Variants in GPC3 observed in about 807,000 individuals in gnomAD.
GPC3 encodes the protein glypican-3.
In GPC3, 3 loss-of-function variants were observed where a neutral mutation model predicts 34.4. That is an observed-to-expected ratio of 0.09 (90% CI 0.04 to 0.23). GPC3 has a LOEUF of 0.23. Ranked by LOEUF, GPC3 falls within the 10% of genes least tolerant of loss-of-function variation. GPC3 has a pLI of 1.00. For synonymous variants in GPC3, 177 were observed against 174.0 expected, an observed-to-expected ratio of 1.02 and a Z score of -0.13; for missense variants, 351 against 445.6, an observed-to-expected ratio of 0.79 and a Z score of 1.91.
chrX:133,621,585 G>A (rs1002402083), intron 6 of GPC3, among the ~76,000 whole-genome samples: 4 of 112,123 alleles, frequency 3.6e-5, no homozygotes, highest in African/African-American at 6.5e-5. Context: ...GAACTGCAAG[G>A]TGGCAATGAG....
At chrX:133,766,511 T>A (rs1015284590) in intron 2 of GPC3, among the ~76,000 whole-genome samples, 3 of 112,364 alleles carry the variant, frequency 2.7e-5, no homozygotes, top group African/African-American at 9.7e-5. Context: ...ATAGTATACA[T>A]GGCAACAGAT....
At position 133,886,702 on chromosome X, in the gene GPC3, T is replaced by C. The variant is rs1014450725; in HGVS notation, c.337+66348A>G. On this transcript the variant is annotated intron_variant, in intron 2 of 7. Transcript: ENST00000370818. ...TAAGTGAGATCATGTGGTATTTTTG[T>C]CTTTCTGTATCAGGCTCATTTCACT... 3.6e-5 allele frequency among the ~76,000 whole-genome samples: 4 copies of C among 112,430 alleles called. No individual in the cohort carries two copies. In the South Asian group the frequency reaches 1.1e-3, roughly 31 times the overall value.
intron 2 of GPC3, among the ~76,000 whole-genome samples, chrX:133,761,026 A>G (rs747533525): frequency 2.7e-5 from 3 of 111,061 alleles, no homozygotes; most frequent in Non-Finnish European, 1.9e-5. Flanking sequence ...ATTAGTGACT[A>G]GAACCACTGA....
At chrX:133,622,738 A>C (rs997918942) in intron 6 of GPC3, among the ~76,000 whole-genome samples, 36 of 112,027 alleles carry the variant, frequency 3.2e-4, no homozygotes, top group Non-Finnish European at 5.1e-4. Context: ...GTTGGAAAAC[A>C]CTCTGCAGGA....
intron 6 of GPC3, among the ~76,000 whole-genome samples, chrX:133,605,889 A>G (rs926605554): frequency 8.9e-6 from 1 of 111,849 alleles, no homozygotes; most frequent in Non-Finnish European, 1.9e-5. Flanking sequence ...ATACACACAG[A>G]GATGTTTAAT....
In GPC3 at chrX:133,953,061, G is replaced by A. The variant is rs761660909; in HGVS notation, c.326C>T (p.Ala109Val). 18 of 1,206,725 alleles carry A rather than the reference G, an allele frequency of 1.5e-5. No homozygotes were observed. The highest frequency in any genetic ancestry group is 7.1e-5 in the South Asian group (4 of 56,719). Residue 109 changes from alanine to valine, a missense_variant, in exon 2 of 8, where the codon GCG (alanine) becomes GTG (valine). Physicochemically the swap from Ala to Val is moderately conservative, Grantham distance 64. Transcript: ENST00000370818. ...ELKFLIIQNA[A>V]VFQEAFEIVV... ...TCCCCAGAACTCACCTTGGAAAACC[G>A]CAGCATTCTGAATAATTAAGAACTT...
intron 6 of GPC3, among the ~76,000 whole-genome samples, chrX:133,599,114 T>C (rs1371761398): frequency 8.9e-6 from 1 of 112,209 alleles, no homozygotes; most frequent in Non-Finnish European, 1.9e-5. Context: ...CTATAGTTTG[T>C]CAGTCATTCT....
At chrX:133,713,470 A>G (rs1189308053) in intron 3 of GPC3, among the ~76,000 whole-genome samples, 1 of 112,211 alleles carries the variant, frequency 8.9e-6, no homozygotes, top group African/African-American at 3.2e-5. Flanking sequence ...TTCACCCTTG[A>G]CTACATGTCT....
At chrX:133,830,678 C>CAAAAAA (rs1174232524) in intron 2 of GPC3, among the ~76,000 whole-genome samples, 13 of 13,399 alleles carry the variant, frequency 9.7e-4, no homozygotes, top group South Asian at 8.9e-3. Flanking sequence ...GACTCCATCT[C>CAAAAAA]AAAAAAAAAA....
rs183790308 is a variant in GPC3, at chrX:133,611,547, A to G, written c.1414-14948T>C. ...CTATTCCCAAATAATTCCAGTTGAAAGCATCTTAGGCTTAATCATACTAAA... is the reference window on the plus strand; with the variant it reads ...CTATTCCCAAATAATTCCAGTTGAAGGCATCTTAGGCTTAATCATACTAAA... On this transcript the variant is annotated intron_variant, in intron 6 of 7. Coordinates refer to ENST00000370818, the MANE Select transcript of GPC3 (RefSeq NM_004484.4). Among the ~76,000 whole-genome samples, 347 of 112,155 alleles carry G rather than the reference A, an allele frequency of 3.1e-3. 3 individuals carry two copies. Among genetic ancestry groups the G allele is most frequent in the Non-Finnish European group, 5.0e-3 (266 of 53,238 alleles).
intron 4 of GPC3, among the ~76,000 whole-genome samples, chrX:133,694,782 A>C (rs1378306224): frequency 3.7e-5 from 4 of 109,028 alleles, no homozygotes; most frequent in Non-Finnish European, 5.7e-5. Flanking sequence ...CAAAAAAAAA[A>C]CCACCCTGAA....
At chrX:133,950,938 G>A (rs1320943556) in intron 2 of GPC3, among the ~76,000 whole-genome samples, 2 of 110,632 alleles carry the variant, frequency 1.8e-5, no homozygotes, top group Non-Finnish European at 3.8e-5. Flanking sequence ...AATGAGTACC[G>A]ATGGTGACAA....
chrX:133,588,716 AAAAT>A (rs918782354), intron 7 of GPC3, among the ~76,000 whole-genome samples: 5 of 111,041 alleles, frequency 4.5e-5, no homozygotes, highest in African/African-American at 1.3e-4. Context: ...TGATCCAGTA[AAAAT>A]AAATAAATAA....
chrX:133,728,897 ATTAG>A (rs2071438454), intron 3 of GPC3, among the ~76,000 whole-genome samples: 1 of 112,155 alleles, frequency 8.9e-6, no homozygotes, highest in Non-Finnish European at 1.9e-5. Context: ...AGGTCTCTTA[ATTAG>A]TTCTATATCC....
chrX:133,764,034 T>C (rs1474118835), intron 2 of GPC3, among the ~76,000 whole-genome samples: 1 of 112,154 alleles, frequency 8.9e-6, no homozygotes, highest in Non-Finnish European at 1.9e-5. Context: ...TGCCCATCAA[T>C]GGTGGACTGG....
At chrX:133,757,913 C>A (rs1050082741) in intron 2 of GPC3, among the ~76,000 whole-genome samples, 5 of 111,527 alleles carry the variant, frequency 4.5e-5, no homozygotes, top group African/African-American at 1.6e-4. Flanking sequence ...ATGTCCTTTG[C>A]ACACTTTTAT....
chrX:133,766,083 G>C (rs774086763), intron 2 of GPC3, among the ~76,000 whole-genome samples: 1 of 111,611 alleles, frequency 9.0e-6, no homozygotes, highest in Admixed American at 9.4e-5. Context: ...TTGGGCTATT[G>C]CTTCCCTTGG....
At chrX:133,705,855 T>C (rs1405662908) in intron 3 of GPC3, among the ~76,000 whole-genome samples, 1 of 112,417 alleles carries the variant, frequency 8.9e-6, no homozygotes, top group Non-Finnish European at 1.9e-5. Flanking sequence ...AGTAAGCCAA[T>C]AGTGGGATGA....
At chrX:133,654,728 A>C (rs1453716511) in intron 6 of GPC3, among the ~76,000 whole-genome samples, 2 of 111,316 alleles carry the variant, frequency 1.8e-5, no homozygotes, top group African/African-American at 6.6e-5. Context: ...CAAAAAACAA[A>C]AAACAAAAAA....
Sources: gnomAD v4.1 joint callset for allele counts (sites outside exome capture counted in the v4.1 genomes callset) on GRCh38, gnomAD v4.1.1 for gene constraint, MANE v1.5 for transcripts, NCBI Gene and HGNC (gene_info 2026-07-23, HGNC 2026-07-21) for gene names.